The following ADK variants were observed in gnomAD, a reference collection of about 807,000 sequenced individuals.
ADK encodes the protein adenosine kinase, also known as N6,N6-dimethyladenosine kinase.
In ADK, 24 loss-of-function variants were observed where a neutral mutation model predicts 44.7. That is an observed-to-expected ratio of 0.54 (90% CI 0.39 to 0.76). ADK has a LOEUF of 0.76. Ranked by LOEUF, ADK falls within the 30% of genes least tolerant of loss-of-function variation. The probability of loss-of-function intolerance (pLI) is 0.00; values close to 1 mark genes in which losing one functional copy is unlikely to be tolerated. For synonymous variants in ADK, 128 were observed against 142.6 expected, an observed-to-expected ratio of 0.90 and a Z score of 0.73; for missense variants, 321 against 425.1, an observed-to-expected ratio of 0.76 and a Z score of 2.15.
At chr10:74,253,232 G>A (rs1205678991) in intron 3 of ADK, among the ~76,000 whole-genome samples, 1 of 152,218 alleles carries the variant, frequency 6.6e-6, no homozygotes, top group African/African-American at 2.4e-5. Flanking sequence ...CTGCAGAGCA[G>A]GGCTACCCCG....
chr10:74,391,935 A>G (rs2132037785), intron 4 of ADK, among the ~76,000 whole-genome samples: 1 of 152,272 alleles, frequency 6.6e-6, no homozygotes, highest in East Asian at 1.9e-4. Context: ...ACTTCCTATG[A>G]ATGGAATCAT....
intron 7 of ADK, among the ~76,000 whole-genome samples, chr10:74,571,949 CTT>C (rs1482504826): frequency 6.6e-6 from 1 of 152,156 alleles, no homozygotes; most frequent in African/African-American, 2.4e-5. Context: ...GGTCTTGACT[CTT>C]TATCCAGTTT....
intron 3 of ADK, among the ~76,000 whole-genome samples, chr10:74,303,649 C>A (rs1340374322): frequency 8.6e-6 from 1 of 116,458 alleles, no homozygotes; most frequent in Non-Finnish European, 1.6e-5. Flanking sequence ...AGCTTCTACA[C>A]TGATAAATTT....
At chr10:74,514,287 G>T (rs1848474530) in intron 6 of ADK, among the ~76,000 whole-genome samples, 2 of 152,068 alleles carry the variant, frequency 1.3e-5, no homozygotes, top group Admixed American at 1.3e-4. Context: ...CCTTGCAGAG[G>T]TCCTGTTTGA....
intron 6 of ADK, among the ~76,000 whole-genome samples, chr10:74,413,781 C>T (rs920788682): frequency 6.6e-6 from 1 of 152,164 alleles, no homozygotes; most frequent in Non-Finnish European, 1.5e-5. Flanking sequence ...TCTCACCTTT[C>T]GATATGCCTT....
In ADK at chr10:74,610,423, G is replaced by A. The variant is rs1173771136; in HGVS notation, c.877+9930G>A. 2.0e-5 allele frequency among the ~76,000 whole-genome samples: 3 copies of A among 152,130 alleles called. No individual in the cohort carries two copies. In the East Asian group the frequency reaches 5.8e-4, roughly 29 times the overall value. On this transcript the variant is annotated intron_variant, in intron 9 of 10. Coordinates refer to ENST00000539909, the MANE Select transcript of ADK (RefSeq NM_006721.4). ...GCCAGGGGCTGGGGGAGGGCTGAAT[G>A]GAAAGTTATTGTTTAATTGGTAAAA...
intron 3 of ADK, among the ~76,000 whole-genome samples, chr10:74,236,020 A>G (rs1362722051): frequency 6.6e-6 from 1 of 152,234 alleles, no homozygotes; most frequent in African/African-American, 2.4e-5. Context: ...GAACTGAGAA[A>G]CATATTAATG....
chr10:74,575,558 C>T (rs535417591), intron 7 of ADK, among the ~76,000 whole-genome samples: 42 of 152,054 alleles, frequency 2.8e-4, no homozygotes, highest in Middle Eastern at 3.4e-3. Context: ...CCTACATGTG[C>T]GAGGCAGCAT....
intron 9 of ADK, among the ~76,000 whole-genome samples, chr10:74,622,008 C>T (rs1470186790): frequency 6.6e-6 from 1 of 152,204 alleles, no homozygotes; most frequent in African/African-American, 2.4e-5. Context: ...AGCACAATCA[C>T]CACTCTGCCT....
chr10:74,158,283 C>A (rs1196052797), intron 1 of ADK, among the ~76,000 whole-genome samples: 1 of 152,064 alleles, frequency 6.6e-6, no homozygotes, highest in African/African-American at 2.4e-5. Context: ...ATATAAGTGG[C>A]CAAGTGCTGT....
At chr10:74,254,216 A>AT (rs1845746077) in intron 3 of ADK, among the ~76,000 whole-genome samples, 1 of 152,216 alleles carries the variant, frequency 6.6e-6, no homozygotes, top group Admixed American at 6.5e-5. Flanking sequence ...ATAGAGATAG[A>AT]TTAGGCAATT....
chr10:74,640,406 C>T (rs17747401), intron 9 of ADK, among the ~76,000 whole-genome samples: 40,859 of 152,180 alleles, frequency 0.27, 7,004 homozygotes, highest in Non-Finnish European at 0.38. Context: ...CAGAGCATTC[C>T]TTGTGTGGAA....
chr10:74,552,915 A>G (rs995347640), intron 7 of ADK, among the ~76,000 whole-genome samples: 1 of 152,194 alleles, frequency 6.6e-6, no homozygotes, highest in African/African-American at 2.4e-5. Context: ...GGTTAAAATC[A>G]AAAGGACTAC....
At chr10:74,159,564 C>G (rs1841836304) in intron 1 of ADK, among the ~76,000 whole-genome samples, 1 of 152,100 alleles carries the variant, frequency 6.6e-6, no homozygotes, top group African/African-American at 2.4e-5. Context: ...CTGAAAGACT[C>G]AGTTGACTCA....
intron 6 of ADK, among the ~76,000 whole-genome samples, chr10:74,418,219 G>A (rs1343474843): frequency 6.6e-6 from 1 of 152,108 alleles, no homozygotes; most frequent in Non-Finnish European, 1.5e-5. Context: ...TTTGTATATT[G>A]TTACCTGCAA....
chr10:74,403,444 C>T (rs576953492), intron 6 of ADK, among the ~76,000 whole-genome samples: 15 of 152,248 alleles, frequency 9.9e-5, no homozygotes, highest in South Asian at 4.1e-4. Context: ...TCAGCAATGG[C>T]GGGCACCCCT....
rs549307323 is a variant in ADK, at chr10:74,427,408, C to G, written c.555+28829C>G. 2.0e-5 allele frequency among the ~76,000 whole-genome samples: 3 copies of G among 152,220 alleles called. No individual in the cohort carries two copies. In the South Asian group the frequency reaches 6.2e-4, roughly 32 times the overall value. On this transcript the variant is annotated intron_variant, in intron 6 of 10. Transcript: ENST00000539909. ...AGAGACGGGGTTTCACCGTGTTAGC[C>G]AGGATGGTCTCGATCTCTTGACCTT...
intron 3 of ADK, among the ~76,000 whole-genome samples, chr10:74,310,382 T>G (rs753316769): frequency 6.6e-6 from 1 of 152,194 alleles, no homozygotes; most frequent in African/African-American, 2.4e-5. Context: ...GTTGGCTACT[T>G]AGGAGTTCCT....
At chr10:74,508,321 G>A (rs1266862079) in intron 6 of ADK, 1 of 152,116 alleles carries the variant, frequency 6.6e-6, no homozygotes, top group Non-Finnish European at 1.5e-5. Flanking sequence ...GATCTTTAAA[G>A]AGCATACTTT....
Sources: allele counts gnomAD v4.1 joint callset (sites outside exome capture counted in the v4.1 genomes callset), GRCh38; gene constraint gnomAD v4.1.1; transcripts MANE v1.5; gene names NCBI Gene and HGNC (gene_info 2026-07-23, HGNC 2026-07-21).